The following SND1 variants were observed in gnomAD, a reference collection of about 807,000 sequenced individuals.
SND1 encodes staphylococcal nuclease domain-containing protein 1.
A neutral mutation model predicts 121.7 loss-of-function variants in SND1; 38 were observed. The ratio of observed to expected loss-of-function variants is 0.31; its 90% CI spans 0.24 to 0.41. The LOEUF (loss-of-function observed/expected upper bound fraction) is 0.41, where lower values mean the gene tolerates loss of function less well. SND1 is among the 10% of genes least tolerant of loss of function. The probability of loss-of-function intolerance (pLI) is 1.00; values close to 1 mark genes in which losing one functional copy is unlikely to be tolerated. For missense variants in SND1, 868 were observed against 1,184.6 expected (o/e 0.73, Z 3.92); for synonymous variants, 401 against 447.4 (o/e 0.90, Z 1.31).
chr7:127,870,447 G>A (rs998920024), intron 12 of SND1, among the ~76,000 whole-genome samples: 10 of 152,094 alleles, frequency 6.6e-5, no homozygotes, highest in Admixed American at 1.3e-4. Flanking sequence ...TTTGGTCATC[G>A]TTGGAACATC....
intron 10 of SND1, among the ~76,000 whole-genome samples, chr7:127,753,266 G>A (rs959498218): frequency 5.3e-5 from 8 of 152,090 alleles, no homozygotes; most frequent in Non-Finnish European, 8.8e-5. Context: ...TTGTGCTTTG[G>A]GGGGATGATC....
At chr7:127,859,114 G>A (rs1799334707) in intron 12 of SND1, among the ~76,000 whole-genome samples, 1 of 152,102 alleles carries the variant, frequency 6.6e-6, no homozygotes, top group Middle Eastern at 3.2e-3. Context: ...CTTGGGATAT[G>A]TGTTTGCATG....
At chr7:127,693,792 C>CCCA (rs1207572511) in intron 2 of SND1, among the ~76,000 whole-genome samples, 2 of 152,106 alleles carry the variant, frequency 1.3e-5, no homozygotes, top group Non-Finnish European at 2.9e-5. Flanking sequence ...GAACACCTAC[C>CCCA]CCATCCCTCC....
At chr7:128,027,999 T>C (rs887109432) in intron 16 of SND1, 2 of 152,074 alleles carry the variant, frequency 1.3e-5, no homozygotes, top group African/African-American at 2.4e-5. Flanking sequence ...GGCACATGTG[T>C]GTCCAGTGCA....
At chr7:128,016,653 C>T (rs1166060590) in intron 16 of SND1, among the ~76,000 whole-genome samples, 2 of 152,198 alleles carry the variant, frequency 1.3e-5, no homozygotes, top group African/African-American at 2.4e-5. Context: ...CGTAGAGTAC[C>T]TGGGCAGAAC....
intron 14 of SND1, among the ~76,000 whole-genome samples, chr7:127,926,425 C>T (rs12706823): frequency 0.22 from 33,718 of 151,810 alleles, 4,231 homozygotes; most frequent in Middle Eastern, 0.33. Flanking sequence ...TCCAAGCCTT[C>T]GAAATACTTG....
rs143610765 is a variant in SND1, at chr7:127,654,331, A to G, written c.78+1880A>G. ...ATAACGATTATCAGCCACATTTTAT[A>G]GATGTGTAATTTGAGGTTTAGAAAG... is the stretch of plus-strand genomic sequence containing the variant. On this transcript the variant is annotated intron_variant, in intron 1 of 23. Transcript: ENST00000354725. Among the ~76,000 whole-genome samples the G allele has an allele frequency of 4.0e-3, 605 of 152,344 alleles. 5 individuals are homozygous for G. The highest frequency in any genetic ancestry group is 6.0e-3 in the Non-Finnish European group (406 of 68,024).
At chr7:127,977,299 G>A (rs546499491) in intron 15 of SND1, among the ~76,000 whole-genome samples, 62 of 152,272 alleles carry the variant, frequency 4.1e-4, no homozygotes, top group Non-Finnish European at 7.4e-4. Flanking sequence ...CAAAATTCAC[G>A]TCTCATGAGG....
chr7:127,924,317 A>G (rs1584670187), intron 14 of SND1, among the ~76,000 whole-genome samples: 1 of 152,296 alleles, frequency 6.6e-6, no homozygotes, highest in East Asian at 1.9e-4. Context: ...AAAGATTGTG[A>G]TGATGAGAAC....
At chr7:127,801,701 C>A (rs1798130967) in intron 10 of SND1, among the ~76,000 whole-genome samples, 1 of 152,184 alleles carries the variant, frequency 6.6e-6, no homozygotes, top group African/African-American at 2.4e-5. Context: ...TCTGCCGCCT[C>A]CTTGCCGGGG....
intron 10 of SND1, among the ~76,000 whole-genome samples, chr7:127,762,950 G>A (rs986308068): frequency 6.6e-6 from 1 of 152,140 alleles, no homozygotes; most frequent in Non-Finnish European, 1.5e-5. Context: ...TCTGTATCAG[G>A]GTAGTCCACC....
rs150626020 is a variant in SND1 at position 128,050,855 on chromosome 7, G to T, written c.1780-23647G>T. ...GCTGCCGTGATGAAGGGCTCTGGGA[G>T]GCAGCAGGGCTAAGTCAGTCCTCCT... is the stretch of plus-strand genomic sequence containing the variant. On this transcript the variant is annotated intron_variant, in intron 16 of 23. Transcript: ENST00000354725. Among the ~76,000 whole-genome samples, 78 of 152,366 alleles carry T rather than the reference G, an allele frequency of 5.1e-4. 1 individual carries two copies. In the East Asian group the frequency reaches 6.0e-3, roughly 12 times the overall value.
At chr7:128,031,119 G>C (rs988306193) in intron 16 of SND1, 1 of 152,864 alleles carries the variant, frequency 6.5e-6, no homozygotes, top group South Asian at 2.0e-4. Context: ...AGCCGGAGCC[G>C]GCGAAGCCGC....
chr7:127,974,319 C>T (rs953585690), intron 15 of SND1, among the ~76,000 whole-genome samples: 5 of 152,214 alleles, frequency 3.3e-5, no homozygotes, highest in Non-Finnish European at 7.3e-5. Flanking sequence ...TCTCCATCCA[C>T]GCAAGGTGAA....
chr7:127,699,402 G>A (rs1051030810), intron 4 of SND1, among the ~76,000 whole-genome samples: 2 of 152,200 alleles, frequency 1.3e-5, no homozygotes, highest in African/African-American at 4.8e-5. Flanking sequence ...AGGAATAAGT[G>A]CAGTCAAAAT....
intron 14 of SND1, among the ~76,000 whole-genome samples, chr7:127,910,427 A>G (rs1800430938): frequency 6.6e-6 from 1 of 152,196 alleles, no homozygotes; most frequent in Non-Finnish European, 1.5e-5. Context: ...CCTGGGTGAC[A>G]GAGTGAGACT....
chr7:127,783,048 A>T (rs1797750617), intron 10 of SND1, among the ~76,000 whole-genome samples: 1 of 152,242 alleles, frequency 6.6e-6, no homozygotes, highest in African/African-American at 2.4e-5. Context: ...GATTCTGCAC[A>T]TTGGAAATTG....
chr7:127,753,417 C>T (rs1330825312), intron 10 of SND1, among the ~76,000 whole-genome samples: 2 of 151,908 alleles, frequency 1.3e-5, no homozygotes, highest in South Asian at 2.1e-4. Context: ...GTGTGTTTGG[C>T]CTGAAAATTG....
rs116963007 is a variant in SND1 at position 127,865,896 on chromosome 7, T to G, written c.1343+21472T>G. The stretch of plus-strand genomic sequence containing the variant: ...CATCTACCCTTTGTATGCTGATGAT[T>G]ATCAACTTTTTATTTCTCCTTTTTT... On this transcript the variant is annotated intron_variant, in intron 12 of 23. Transcript: ENST00000354725. 1.0e-3 allele frequency among the ~76,000 whole-genome samples: 157 copies of G among 150,462 alleles called. 1 individual carries two copies. In the East Asian group the frequency reaches 0.028, roughly 27 times the overall value.
Sources: gnomAD v4.1 joint callset for allele counts (sites outside exome capture counted in the v4.1 genomes callset) on GRCh38, gnomAD v4.1.1 for gene constraint, MANE v1.5 for transcripts, NCBI Gene and HGNC (gene_info 2026-07-23, HGNC 2026-07-21) for gene names.